LRP8: variants seen among roughly 807,000 people sequenced by gnomAD.
LRP8 encodes the protein LDL receptor related protein 8.
In LRP8, 46 loss-of-function variants were observed where a neutral mutation model predicts 111.6. That is an observed-to-expected ratio of 0.41 (90% CI 0.33 to 0.53). LRP8 has a LOEUF of 0.53. LRP8 is among the 20% of genes least tolerant of loss of function. The probability of loss-of-function intolerance (pLI) is 0.20; values close to 1 mark genes in which losing one functional copy is unlikely to be tolerated. For missense variants in LRP8, 959 were observed against 1,297.4 expected (o/e 0.74, Z 4.01); for synonymous variants, 464 against 511.2 (o/e 0.91, Z 1.24).
intron 2 of LRP8, among the ~76,000 whole-genome samples, chr1:53,298,881 C>T (rs192454022): frequency 1.3e-5 from 2 of 152,356 alleles, no homozygotes; most frequent in Admixed American, 6.5e-5. Context: ...GCAGCTCTTC[C>T]GCTTCTTCTT....
At position 53,282,511 on chromosome 1, in the gene LRP8, A is replaced by T. The variant is rs550090733; in HGVS notation, c.368-1796T>A. ...GGGGTCCTTCCAGGGTACCTCTATC[A>T]CCAACACTGCAGGACCCCAGGTAAG... On this transcript the variant is annotated intron_variant, in intron 3 of 18. Coordinates refer to ENST00000306052, the MANE Select transcript of LRP8 (RefSeq NM_004631.5). Among the ~76,000 whole-genome samples the T allele has an allele frequency of 2.8e-4, 42 of 152,212 alleles. 1 individual carries two copies. In the South Asian group the frequency reaches 8.7e-3, roughly 32 times the overall value.
In LRP8 at chr1:53,294,439, T is replaced by C. The variant is rs866099070; in HGVS notation, c.245-4750A>G. Among the ~76,000 whole-genome samples the C allele has an allele frequency of 2.0e-4, 30 of 152,198 alleles. No homozygotes were observed. Among genetic ancestry groups the C allele is most frequent in the African/African-American group, 6.8e-4 (28 of 41,462 alleles). ...CCAGACAGTCCATGGTCTATCAAAC[T>C]GCGCCCTGCCACTTGTAGGCTATGT... On this transcript the variant is annotated intron_variant, in intron 2 of 18. Coordinates refer to ENST00000306052, the MANE Select transcript of LRP8 (RefSeq NM_004631.5). The surrounding 1 kb of genome is among the most constrained non-coding windows in gnomAD (Gnocchi z 4.1).
intron 2 of LRP8, among the ~76,000 whole-genome samples, chr1:53,295,771 C>T (rs908899080): frequency 6.6e-6 from 1 of 152,174 alleles, no homozygotes; most frequent in African/African-American, 2.4e-5. Flanking sequence ...TCCAGCCTTC[C>T]AAGCTTGTTT....
chr1:53,311,038 T>C (rs1157601239), intron 2 of LRP8, among the ~76,000 whole-genome samples: 1 of 152,036 alleles, frequency 6.6e-6, no homozygotes, highest in Non-Finnish European at 1.5e-5. Context: ...TTGGGAAACA[T>C]CCAGGGTAGC....
At position 53,249,902 on chromosome 1, in the gene LRP8, A is replaced by G. The variant is rs1288475589; in HGVS notation, c.2677-346T>C. 6.6e-6 allele frequency among the ~76,000 whole-genome samples: 1 copy of G among 152,212 alleles called. No individual in the cohort carries two copies. The highest frequency in any genetic ancestry group is 1.5e-5 in the Non-Finnish European group (1 of 68,036). ...TGTTGGGAGTCAGCCATGCCGTGCT[A>G]GGCATCAGGAAAACAGATTAATCAG... is the stretch of plus-strand genomic sequence containing the variant. On this transcript the variant is annotated intron_variant, in intron 17 of 18. Transcript: ENST00000306052. This position sits in a 1 kb window ranked among gnomAD's most constrained non-coding sequence, Gnocchi z 4.1.
chr1:53,322,374 C>T (rs577275101), intron 2 of LRP8, among the ~76,000 whole-genome samples: 1 of 152,266 alleles, frequency 6.6e-6, no homozygotes, highest in East Asian at 1.9e-4. Context: ...GAGGAGGTGA[C>T]ACCTGCACCG....
intron 6 of LRP8, chr1:53,274,834 CAA>C: frequency 2.2e-6 from 1 of 456,292 alleles, no homozygotes; most frequent in South Asian, 1.5e-5. Flanking sequence ...TTGGGCCGGA[CAA>C]GAGAGTGGAC....
chr1:53,276,185 T>G (rs1047480015), intron 5 of LRP8, among the ~76,000 whole-genome samples: 6 of 151,846 alleles, frequency 4.0e-5, no homozygotes, highest in Non-Finnish European at 7.4e-5. Context: ...CCTAAGAGCC[T>G]CCTCATCCTC....
Position 53,323,056 on chromosome 1 carries a change from G to A in LRP8, c.244+3817C>T, listed in dbSNP as rs192073956. Among the ~76,000 whole-genome samples the A allele has an allele frequency of 1.6e-4, 25 of 152,278 alleles. No individual in the cohort carries two copies. In the East Asian group the frequency reaches 4.6e-3, roughly 28 times the overall value. On this transcript the variant is annotated intron_variant, in intron 2 of 18. Transcript: ENST00000306052. ...CCACCTGTCTACCCAGCCTTTCCGC[G>A]AGAAGCACAGAACTTCCTAGAGGAG... is the stretch of plus-strand genomic sequence containing the variant.
Position 53,246,671 on chromosome 1 carries a change from A to C in LRP8, c.*347T>G. On this transcript the variant is annotated 3_prime_UTR_variant, in exon 19 of 19. Coordinates refer to ENST00000306052, the MANE Select transcript of LRP8 (RefSeq NM_004631.5). Reference sequence around the variant, plus strand: ...CCCAGCAACCAAACATCTTCTGTAAATATAGTTTTTAAATGATGAGTAAGG... The same window carrying C: ...CCCAGCAACCAAACATCTTCTGTAACTATAGTTTTTAAATGATGAGTAAGG... 1 of 202,462 alleles carries C rather than the reference A, an allele frequency of 4.9e-6. No homozygotes were observed. The highest frequency in any genetic ancestry group is 1.0e-5 in the Non-Finnish European group (1 of 100,430). 12.5% of individuals were successfully genotyped at this position (202,462 alleles called of 1,614,324 possible).
intron 2 of LRP8, among the ~76,000 whole-genome samples, chr1:53,301,142 T>G (rs1006907498): frequency 6.6e-6 from 1 of 151,924 alleles, no homozygotes; most frequent in Non-Finnish European, 1.5e-5. Context: ...AGGTGCTCAA[T>G]GGAGAGAGTG....
At chr1:53,295,584 A>G (rs1327300076) in intron 2 of LRP8, among the ~76,000 whole-genome samples, 1 of 152,098 alleles carries the variant, frequency 6.6e-6, no homozygotes, top group Non-Finnish European at 1.5e-5. Flanking sequence ...CAAGACAGAA[A>G]ATCGGCCCTT....
intron 13 of LRP8, among the ~76,000 whole-genome samples, chr1:53,259,020 T>C (rs1646223297): frequency 6.6e-6 from 1 of 152,256 alleles, no homozygotes; most frequent in Non-Finnish European, 1.5e-5. Context: ...GGTGTATATA[T>C]GCCACACTTT....
intron 4 of LRP8, among the ~76,000 whole-genome samples, chr1:53,277,657 C>T (rs1646970641): frequency 6.6e-6 from 1 of 152,200 alleles, no homozygotes; most frequent in South Asian, 2.1e-4. Context: ...GCTCCATCTG[C>T]TGGGAACCTA....
At position 53,264,216 on chromosome 1, in the gene LRP8, G is replaced by A. The variant is rs369069683; in HGVS notation, c.1608C>T (p.Ser536=). The change falls in exon 10 of 19, where the codon AGC becomes AGT. Residue 536 remains serine, a synonymous_variant. Coordinates refer to ENST00000306052, the MANE Select transcript of LRP8 (RefSeq NM_004631.5). ...VDGGRRRTLF[S]RNLSEPRAIA... ...TGGCCCGGGGTTCACTGAGGTTACG[G>A]CTGAAGAGAGTGCGTCGGCGGCCAC... 1 of 1,614,188 alleles carries A rather than the reference G, an allele frequency of 6.2e-7. No individual in the cohort carries two copies. The highest frequency in any genetic ancestry group is 8.5e-7 in the Non-Finnish European group (1 of 1,180,036).
chr1:53,290,067 T>A (rs887962204), intron 2 of LRP8, among the ~76,000 whole-genome samples: 2 of 151,736 alleles, frequency 1.3e-5, no homozygotes, highest in Non-Finnish European at 2.9e-5. Flanking sequence ...TGTCCCACTT[T>A]CCCCAACTGG....
At position 53,276,959 on chromosome 1, in the gene LRP8, A is replaced by C. The variant is rs1185204587; in HGVS notation, c.616T>G (p.Cys206Gly). 6.8e-7 allele frequency: 1 copy of C among 1,479,258 alleles called. No homozygotes were observed. The highest frequency in any genetic ancestry group is 2.2e-5 in the Admixed American group (1 of 45,222). The allele number at this position is 1,479,258 out of a possible 1,614,324, so 91.6% of individuals were successfully genotyped here. The change falls in exon 5 of 19, where the codon TGC becomes GGC. Residue 206 changes from cysteine to glycine, a missense_variant. By Grantham distance (159) the Cys-to-Gly change is radical. Transcript: ENST00000306052. ...CCGCAGCGGAACTCGCGGGGCCCGC[A>C]GGCCGGGTCTGCACAGCCGCGCTCA... is the stretch of plus-strand genomic sequence containing the variant. ...SDERGCADPA[C>G]GPREFRCGGD...
chr1:53,321,622 G>A (rs1015181344), intron 2 of LRP8, among the ~76,000 whole-genome samples: 9 of 152,266 alleles, frequency 5.9e-5, no homozygotes, highest in Middle Eastern at 3.4e-3. Flanking sequence ...AAGTTGTCAA[G>A]TCGGCCACCA....
At position 53,258,308 on chromosome 1, in the gene LRP8, G is replaced by A; in HGVS notation, c.2209+11C>T. 2 of 1,612,564 alleles carry A rather than the reference G, an allele frequency of 1.2e-6. No homozygotes were observed. Among genetic ancestry groups the A allele is most frequent in the African/African-American group, 2.7e-5 (2 of 75,004 alleles). ...CTGCCAGGGGCCATCCCTCCTGGAA[G>A]GTCTGCTTACCTCGGTAGCACCTCT... is the stretch of plus-strand genomic sequence containing the variant. On this transcript the variant is annotated intron_variant, in intron 14 of 18. Coordinates refer to ENST00000306052, the MANE Select transcript of LRP8 (RefSeq NM_004631.5).
Sources: allele counts gnomAD v4.1 joint callset (sites outside exome capture counted in the v4.1 genomes callset), GRCh38; gene constraint gnomAD v4.1.1; non-coding constraint Gnocchi (gnomAD v3.1); transcripts MANE v1.5; gene names NCBI Gene and HGNC (gene_info 2026-07-23, HGNC 2026-07-21).